The following KCTD2 variants were observed in gnomAD, a reference collection of about 807,000 sequenced individuals.
KCTD2 encodes potassium channel tetramerization domain containing 2.
A neutral mutation model predicts 27.9 loss-of-function variants in KCTD2; 18 were observed. That is an observed-to-expected ratio of 0.64 (90% CI 0.45 to 0.96). The LOEUF (loss-of-function observed/expected upper bound fraction) is 0.96, where lower values mean the gene tolerates loss of function less well. KCTD2 is among the 40% of genes least tolerant of loss of function. KCTD2 has a pLI of 0.00. For synonymous variants in KCTD2, 175 were observed against 148.4 expected (o/e 1.18, Z -1.30); for missense variants, 280 against 348.0 (o/e 0.80, Z 1.56).
At chr17:75,042,152 C>A in intron 3 of KCTD2, 1 of 1,588,908 alleles carries the variant, frequency 6.3e-7, no homozygotes. Flanking sequence ...ATGTTACAAG[C>A]TCAGTGCTTT....
At chr17:75,056,952 C>CTTTTTTTTTTTTTTTTT (rs35875644) in intron 3 of KCTD2, among the ~76,000 whole-genome samples, 93 of 107,972 alleles carry the variant, frequency 8.6e-4, no homozygotes, top group Non-Finnish European at 1.1e-3. Context: ...TTTCTTTTTT[C>CTTTTTTTTTTTTTTTTT]TTTTTTTTTT....
chr17:75,043,941 C>G (rs993683739), upstream of KCTD2, among the ~76,000 whole-genome samples: 11 of 152,130 alleles, frequency 7.2e-5, no homozygotes, highest in Non-Finnish European at 1.5e-4. Flanking sequence ...AGGGCTATCC[C>G]CTTCCAACTA....
intron 2 of KCTD2, among the ~76,000 whole-genome samples, chr17:75,051,231 G>C (rs1054117919): frequency 1.4e-5 from 2 of 147,452 alleles, no homozygotes; most frequent in Non-Finnish European, 3.0e-5. Flanking sequence ...GCCTGCCTCA[G>C]CCTCCCAAAG....
At chr17:75,057,278 T>G (rs1055886933) in intron 3 of KCTD2, among the ~76,000 whole-genome samples, 1 of 151,854 alleles carries the variant, frequency 6.6e-6, no homozygotes, top group African/African-American at 2.4e-5. Flanking sequence ...ATAGTATTTT[T>G]TGTAGGTGAT....
intron 1 of KCTD2, among the ~76,000 whole-genome samples, chr17:75,033,866 C>A (rs1381444055): frequency 6.6e-6 from 1 of 152,268 alleles, no homozygotes; most frequent in East Asian, 1.9e-4. Context: ...AGGGGACACT[C>A]GCTTATGAGG....
At chr17:75,042,174 G>A (rs1360223487) in intron 3 of KCTD2, 1 of 1,612,622 alleles carries the variant, frequency 6.2e-7, no homozygotes, top group Admixed American at 1.7e-5. Flanking sequence ...GAGGTGTGAA[G>A]TCTCACCTTC....
chr17:75,052,460 G>A (rs570022754), intron 2 of KCTD2, among the ~76,000 whole-genome samples: 3 of 152,278 alleles, frequency 2.0e-5, no homozygotes, highest in South Asian at 2.1e-4. Context: ...GTGGCTTTAC[G>A]CCTGTAATCC....
intron 5 of KCTD2, 122 bp from the exon 6 acceptor site, chr17:75,062,896 C>T: frequency 2.9e-6 from 3 of 1,019,110 alleles, no homozygotes; most frequent in Non-Finnish European, 4.6e-6. Flanking sequence ...CGGCTGCACC[C>T]CTGCTTGCTT....
upstream of KCTD2, among the ~76,000 whole-genome samples, chr17:75,044,807 G>A (rs779339534): frequency 6.6e-6 from 1 of 152,232 alleles, no homozygotes; most frequent in Non-Finnish European, 1.5e-5. Flanking sequence ...TAAGCTTGGA[G>A]TGGAATGCAA....
intron 2 of KCTD2, among the ~76,000 whole-genome samples, chr17:75,050,072 GCT>G (rs996861685): frequency 6.6e-6 from 1 of 152,056 alleles, no homozygotes; most frequent in African/African-American, 2.4e-5. Context: ...AAGAGGAATT[GCT>G]CTCTCTCTCT....
intron 3 of KCTD2, among the ~76,000 whole-genome samples, chr17:75,056,952 C>CTTTTTTTTTTTTTTTTTT (rs35875644): frequency 1.0e-3 from 110 of 107,996 alleles, no homozygotes; most frequent in Non-Finnish European, 1.5e-3. Context: ...TTTCTTTTTT[C>CTTTTTTTTTTTTTTTTTT]TTTTTTTTTT....
intron 3 of KCTD2, chr17:75,035,953 C>A: frequency 2.4e-6 from 1 of 410,736 alleles, no homozygotes; most frequent in Non-Finnish European, 5.0e-6. Context: ...TCACACGGCA[C>A]CCACCACCCC....
chr17:75,035,373 T>C (rs926831217), intron 3 of KCTD2: 7 of 152,254 alleles, frequency 4.6e-5, no homozygotes, highest in Admixed American at 4.6e-4. Flanking sequence ...TAGGGCCCCA[T>C]TTCTTGTTGT....
intron 5 of KCTD2, 23 bp downstream of exon 5, chr17:75,062,268 A>G (rs200446567): frequency 3.3e-5 from 53 of 1,603,126 alleles, no homozygotes; most frequent in Admixed American, 5.2e-5. Context: ...TTCCCTGGGC[A>G]GTTGCCTCTG....
chr17:75,035,732 A>C (rs543750752), intron 3 of KCTD2, among the ~76,000 whole-genome samples: 50 of 152,280 alleles, frequency 3.3e-4, no homozygotes, highest in African/African-American at 1.2e-3. Flanking sequence ...CAGGAGGCGG[A>C]GGCAGCAGGA....
At chr17:75,035,671 CAA>C (rs2040108890) in intron 3 of KCTD2, among the ~76,000 whole-genome samples, 2 of 152,038 alleles carry the variant, frequency 1.3e-5, no homozygotes, top group South Asian at 4.1e-4. Flanking sequence ...TACAAAAATA[CAA>C]AAATTAGCCG....
chr17:75,047,993 C>T (rs1201124497), intron 1 of KCTD2, among the ~76,000 whole-genome samples: 3 of 152,184 alleles, frequency 2.0e-5, no homozygotes, highest in African/African-American at 7.2e-5. Flanking sequence ...AGGGTTAGCT[C>T]AGGCATCCTT....
At chr17:75,044,818 G>A (rs1438114528), upstream of KCTD2, among the ~76,000 whole-genome samples, 4 of 152,214 alleles carry the variant, frequency 2.6e-5, no homozygotes, top group Admixed American at 6.5e-5. Flanking sequence ...TGGAATGCAA[G>A]GGAGGCGGAA....
In KCTD2 at chr17:75,065,137, A is replaced by T. The variant is rs759910183; in HGVS notation, c.*2090A>T. On this transcript the variant is annotated 3_prime_UTR_variant, in exon 6 of 6. Transcript: ENST00000322444. Reference sequence around the variant, plus strand: ...AGATTCCATAGTTGCCGCCATGAAAAGACTGCTCTTGAGCCCCAAGGCACA... The same window carrying T: ...AGATTCCATAGTTGCCGCCATGAAATGACTGCTCTTGAGCCCCAAGGCACA... 1.3e-5 allele frequency: 2 copies of T among 152,036 alleles called. No homozygotes were observed. Among genetic ancestry groups the T allele is most frequent in the Non-Finnish European group, 2.9e-5 (2 of 68,042 alleles). 9.4% of individuals were successfully genotyped at this position (152,036 alleles called of 1,614,324 possible).
Sources: allele counts gnomAD v4.1 joint callset (sites outside exome capture counted in the v4.1 genomes callset), GRCh38; gene constraint gnomAD v4.1.1; transcripts MANE v1.5; gene names NCBI Gene and HGNC (gene_info 2026-07-23, HGNC 2026-07-21).